FNIP2: variants seen among roughly 807,000 people sequenced by gnomAD.
FNIP2 encodes folliculin-interacting protein 2.
A neutral mutation model predicts 108.7 loss-of-function variants in FNIP2; 32 were observed. The observed-to-expected ratio is 0.29, with a 90% CI of 0.22 to 0.40. FNIP2 has a LOEUF of 0.40. FNIP2 is among the 10% of genes least tolerant of loss of function. The pLI is 1.00. For synonymous variants in FNIP2, 480 were observed against 496.7 expected (o/e 0.97, Z 0.45); for missense variants, 1,202 against 1,381.6 (o/e 0.87, Z 2.06).
At chr4:158,819,667 T>C (rs1024783021) in intron 1 of FNIP2, among the ~76,000 whole-genome samples, 23 of 152,236 alleles carry the variant, frequency 1.5e-4, no homozygotes, top group Admixed American at 2.0e-4. Flanking sequence ...TCTATTTACG[T>C]AAGTTTTTTC....
rs5863337 is a variant in FNIP2 at position 158,894,170 on chromosome 4, CTT to C, written c.3151-1563_3151-1562del. On this transcript the variant is annotated intron_variant, in intron 15 of 16. Transcript: ENST00000264433. ...AATCAAGTCTTTTAAAAAATGTTTTCTTTTTTTTTTTTTTTTTTGAGACAGAG... is the reference window on the plus strand; with the variant it reads ...AATCAAGTCTTTTAAAAAATGTTTTCTTTTTTTTTTTTTTTTGAGACAGAG... Among the ~76,000 whole-genome samples the C allele has an allele frequency of 1.8e-3, 227 of 127,428 alleles. 1 individual carries two copies. The highest frequency in any genetic ancestry group is 4.3e-3 in the East Asian group (18 of 4,148). The allele number at this position is 127,428 out of a possible 152,430, so 83.6% of individuals were successfully genotyped here. A position where few individuals can be genotyped will look rare whatever the true frequency, so the allele number is the denominator to read the frequency against.
intron 15 of FNIP2, among the ~76,000 whole-genome samples, chr4:158,894,891 A>T (rs1782541963): frequency 6.6e-6 from 1 of 152,232 alleles, no homozygotes; most frequent in South Asian, 2.1e-4. Flanking sequence ...TGATCAGCCC[A>T]GATGGTCAAG....
chr4:158,826,880 A>G (rs549133846), intron 2 of FNIP2, among the ~76,000 whole-genome samples: 13 of 152,332 alleles, frequency 8.5e-5, no homozygotes, highest in South Asian at 6.2e-4. Flanking sequence ...TTTATGTTCA[A>G]TAAGTTGCTA....
intron 1 of FNIP2, among the ~76,000 whole-genome samples, chr4:158,771,307 C>A (rs1468611868): frequency 6.6e-6 from 1 of 152,212 alleles, no homozygotes; most frequent in Non-Finnish European, 1.5e-5. Flanking sequence ...AACAAACCAT[C>A]CTGTGCTCAC....
In FNIP2 at chr4:158,904,366, TTAGTACC is replaced by T. The variant is rs1729639697; in HGVS notation, c.3267-96_3267-90del. ...AGTTTTAAATGATAATCTATCAAAC[TTAGTACC>T]TAGAAATAATACTTTCTCATAAAAA... On this transcript the variant is annotated intron_variant, in intron 16 of 16. Transcript: ENST00000264433. 3 of 1,056,146 alleles carry T rather than the reference TTAGTACC, an allele frequency of 2.8e-6. No homozygotes were observed. The East Asian group carries it at 7.4e-5, about 26-fold the overall frequency. 65.4% of individuals were successfully genotyped at this position (1,056,146 alleles called of 1,614,324 possible).
rs1182497583 is a variant in FNIP2 at position 158,891,538 on chromosome 4, A to G, written c.3042A>G (p.Lys1014=). 2.5e-6 allele frequency: 4 copies of G among 1,611,268 alleles called. No homozygotes were observed. The highest frequency in any genetic ancestry group is 3.4e-5 in the Admixed American group (2 of 59,588). ...TGCAGGTAGCTACAAGTCAGAGGAA[A>G]GTGACGGACAACATGAAACTAGGCC... The part of the protein sequence containing the change: ...WSVQVATSQR[K]VTDNMKLGQD... Residue 1014 remains lysine, a synonymous_variant, in exon 15 of 17, where the codon AAA becomes AAG. Transcript: ENST00000264433.
intron 14 of FNIP2, among the ~76,000 whole-genome samples, chr4:158,873,509 C>G (rs1781083014): frequency 6.6e-6 from 1 of 152,172 alleles, no homozygotes; most frequent in Admixed American, 6.5e-5. Flanking sequence ...GTACCTGGCT[C>G]TAAATGTACA....
chr4:158,904,856 T>G lies in FNIP2; in HGVS notation c.*312T>G, dbSNP rs1456118057. ...ACTAAGCTGTTGCAACAGATTGCCT[T>G]GTGCTGTTTGGGCAGAATAAAGACA... On this transcript the variant is annotated 3_prime_UTR_variant, in exon 17 of 17. Transcript: ENST00000264433. The G allele has an allele frequency of 4.1e-5, 12 of 289,308 alleles. No individual in the cohort carries two copies. Among genetic ancestry groups the G allele is most frequent in the Non-Finnish European group, 6.7e-5 (10 of 149,944 alleles). The allele number at this position is 289,308 out of a possible 1,614,324, so 17.9% of individuals were successfully genotyped here.
Position 158,891,653 on chromosome 4 carries a change from A to G in FNIP2, c.3150+7A>G. 6.2e-7 allele frequency: 1 copy of G among 1,605,726 alleles called. No homozygotes were observed. Among genetic ancestry groups the G allele is most frequent in the Non-Finnish European group, 8.5e-7 (1 of 1,175,032 alleles). ...TCACCTCCCTGCTGATTTTGTAAGT[A>G]CTGGTTCTTATATCACCAAAGAAAT... On this transcript the variant is annotated splice_region_variant and intron_variant, in intron 15 of 16. Coordinates refer to ENST00000264433, the MANE Select transcript of FNIP2 (RefSeq NM_020840.3).
chr4:158,865,441 C>G (rs931483438), intron 12 of FNIP2, among the ~76,000 whole-genome samples: 12 of 152,208 alleles, frequency 7.9e-5, no homozygotes, highest in African/African-American at 2.9e-4. Flanking sequence ...ACTGGTTCCA[C>G]TCACATTGCA....
chr4:158,781,873 T>G (rs901604424), intron 1 of FNIP2, among the ~76,000 whole-genome samples: 1 of 152,048 alleles, frequency 6.6e-6, no homozygotes, highest in Non-Finnish European at 1.5e-5. Flanking sequence ...GTGGGGCACA[T>G]TATTCTCTCT....
intron 14 of FNIP2, among the ~76,000 whole-genome samples, chr4:158,870,725 C>T (rs182563861): frequency 2.0e-4 from 31 of 152,326 alleles, no homozygotes; most frequent in Admixed American, 1.1e-3. Context: ...TAAGCCAGGA[C>T]GAGGGGCGGC....
intron 1 of FNIP2, among the ~76,000 whole-genome samples, chr4:158,810,042 G>A (rs964551808): frequency 5.9e-5 from 9 of 152,152 alleles, no homozygotes; most frequent in African/African-American, 2.2e-4. Flanking sequence ...ATAGCAGTTG[G>A]GATTACTGAC....
chr4:158,788,969 A>C (rs2126445814), intron 1 of FNIP2, among the ~76,000 whole-genome samples: 1 of 152,338 alleles, frequency 6.6e-6, no homozygotes, highest in Admixed American at 6.5e-5. Context: ...CGAGAGCAGG[A>C]TAGTTTCTGA....
chr4:158,790,630 C>G (rs1208707645), intron 1 of FNIP2, among the ~76,000 whole-genome samples: 2 of 152,098 alleles, frequency 1.3e-5, no homozygotes, highest in Non-Finnish European at 2.9e-5. Context: ...GCCTGTAATT[C>G]TAGCTACTAA....
chr4:158,873,171 C>T (rs1373022155), intron 14 of FNIP2, among the ~76,000 whole-genome samples: 4 of 151,486 alleles, frequency 2.6e-5, no homozygotes, highest in Admixed American at 6.6e-5. Flanking sequence ...AAAAACAAAC[C>T]TATTTTTTGA....
At chr4:158,839,241 TCTC>T (rs1214217951) in intron 7 of FNIP2, among the ~76,000 whole-genome samples, 19 of 152,336 alleles carry the variant, frequency 1.2e-4, no homozygotes, top group African/African-American at 3.6e-4. Context: ...TATTTGGACT[TCTC>T]CTGTGTGGAG....
chr4:158,769,392 G>A (rs926684701), intron 1 of FNIP2, 73 bp downstream of exon 1: 5 of 1,065,566 alleles, frequency 4.7e-6, no homozygotes, highest in Non-Finnish European at 5.1e-6. Flanking sequence ...GAGGGGACGG[G>A]TAGGGGAAAG....
At position 158,904,717 on chromosome 4, in the gene FNIP2, G is replaced by C; in HGVS notation, c.*173G>C. ...AAGCTGATGCTTCATTGAAGACTTA[G>C]GTTTACTTGACATAATAGCATTTGT... On this transcript the variant is annotated 3_prime_UTR_variant, in exon 17 of 17. Transcript: ENST00000264433. 3.3e-6 allele frequency: 2 copies of C among 600,124 alleles called. No homozygotes were observed. Among genetic ancestry groups the C allele is most frequent in the Non-Finnish European group, 5.9e-6 (2 of 339,196 alleles). 37.2% of individuals were successfully genotyped at this position (600,124 alleles called of 1,614,324 possible). A position where few individuals can be genotyped will look rare whatever the true frequency, so the allele number is the denominator to read the frequency against.
Sources: gnomAD v4.1 joint callset for allele counts (sites outside exome capture counted in the v4.1 genomes callset) on GRCh38, gnomAD v4.1.1 for gene constraint, MANE v1.5 for transcripts, NCBI Gene and HGNC (gene_info 2026-07-23, HGNC 2026-07-21) for gene names.